Variants in FREM1 observed in about 807,000 individuals in gnomAD.
FREM1 encodes the protein FRAS1 related extracellular matrix 1.
Under a neutral mutation model 210.1 loss-of-function variants are expected in FREM1, and 220 were observed. That is an observed-to-expected ratio of 1.05 (90% CI 0.94 to 1.17). FREM1 has a LOEUF of 1.17. Ranked by LOEUF, FREM1 falls within the 50% of genes most tolerant of loss-of-function variation. The pLI is 0.00. For synonymous variants in FREM1, 1,189 were observed against 980.2 expected (o/e 1.21, Z -3.98); for missense variants, 3,454 against 2,675.5 (o/e 1.29, Z -6.42).
intron 2 of FREM1, among the ~76,000 whole-genome samples, chr9:14,866,791 T>A (rs1564121684): frequency 6.6e-6 from 1 of 152,124 alleles, no homozygotes; most frequent in Non-Finnish European, 1.5e-5. Flanking sequence ...TCCTGCTTTA[T>A]CAAACACCCC....
At chr9:14,747,632 C>T (rs895358724) in intron 32 of FREM1, 49 bp downstream of exon 32, 1 of 1,130,854 alleles carries the variant, frequency 8.8e-7, no homozygotes, top group Non-Finnish European at 1.3e-6. Flanking sequence ...TCATTAAATA[C>T]TTGCATCCAT....
At chr9:14,830,637 G>GC (rs748201255) in intron 10 of FREM1, among the ~76,000 whole-genome samples, 108 of 151,706 alleles carry the variant, frequency 7.1e-4, no homozygotes, top group African/African-American at 1.3e-3. Flanking sequence ...CGGCTTTGGA[G>GC]CTCCCCCCGC....
intron 16 of FREM1, among the ~76,000 whole-genome samples, chr9:14,810,461 A>T (rs1398075352): frequency 2.0e-5 from 3 of 152,118 alleles, no homozygotes; most frequent in Non-Finnish European, 4.4e-5. Context: ...TTAAAAAAAA[A>T]TTTGAGGGAA....
At chr9:14,737,621 A>G (rs970792327) in intron 36 of FREM1, 26 bp from the exon 37 acceptor site, 3 of 1,454,438 alleles carry the variant, frequency 2.1e-6, no homozygotes, top group African/African-American at 1.4e-5. Context: ...AGAATGTACC[A>G]ATTACTTTTA....
chr9:14,823,937 A>G, intron 12 of FREM1, 88 bp downstream of exon 12: 1 of 654,102 alleles, frequency 1.5e-6, no homozygotes, highest in Non-Finnish European at 2.5e-6. Context: ...GTCAAAGACC[A>G]ACATTCTCAG....
At chr9:14,759,946 T>A in intron 27 of FREM1, 45 bp from the exon 28 acceptor site, 1 of 1,522,446 alleles carries the variant, frequency 6.6e-7, no homozygotes, top group Non-Finnish European at 8.9e-7. Flanking sequence ...GCATAGTATA[T>A]GCCTATAGGG....
chr9:14,902,337 G>A (rs1400800428), intron 1 of FREM1, among the ~76,000 whole-genome samples: 2 of 152,078 alleles, frequency 1.3e-5, no homozygotes, highest in Admixed American at 6.6e-5. Flanking sequence ...ATCTCACATG[G>A]TTGATATCAT....
rs776497637 is a variant in FREM1 at position 14,851,292 on chromosome 9, G to A, written c.1144C>T (p.His382Tyr). Residue 382 changes from histidine (H) to tyrosine (Y), a missense_variant, in exon 6 of 37, where the codon CAT (histidine) becomes TAT (tyrosine). Physicochemically the swap from His to Tyr is moderately conservative, Grantham distance 83 (BLOSUM62 2). Transcript: ENST00000380880. ...TTGTCTCTCCTTCTTACCTCATCAT[G>A]TCTCCTCTCAGAATGGCTGCTGTTT... Reference protein sequence around the residue: ...PPNSSHSERRHDEVELEVYDF... With the variant: ...PPNSSHSERRYDEVELEVYDF... 5.0e-6 allele frequency: 8 copies of A among 1,586,272 alleles called. No homozygotes were observed. The East Asian group carries it at 1.8e-4, about 36-fold the overall frequency.
chr9:14,841,300 G>A (rs1825661877), intron 10 of FREM1, 147 bp downstream of exon 10: 1 of 595,576 alleles, frequency 1.7e-6, no homozygotes, highest in Non-Finnish European at 2.7e-6. Flanking sequence ...TAGTCCTATT[G>A]CAAAGAAATC....
intron 10 of FREM1, among the ~76,000 whole-genome samples, chr9:14,841,173 C>T (rs888331133): frequency 2.6e-5 from 4 of 152,086 alleles, no homozygotes; most frequent in Admixed American, 6.6e-5. Flanking sequence ...TCTTGAGTGT[C>T]GGGAGACAAG....
intron 23 of FREM1, among the ~76,000 whole-genome samples, chr9:14,785,090 C>G (rs1398067347): frequency 6.6e-6 from 1 of 152,208 alleles, no homozygotes; most frequent in Admixed American, 6.5e-5. Context: ...CAGCTATGTA[C>G]TTGAAAGAAA....
intron 3 of FREM1, among the ~76,000 whole-genome samples, chr9:14,861,674 T>C (rs1459095480): frequency 6.6e-6 from 1 of 151,832 alleles, no homozygotes; most frequent in Non-Finnish European, 1.5e-5. Flanking sequence ...TCCCAGCTAA[T>C]TTTTGTATTT....
At chr9:14,743,201 A>G (rs1841868823) in intron 35 of FREM1, among the ~76,000 whole-genome samples, 1 of 152,132 alleles carries the variant, frequency 6.6e-6, no homozygotes, top group Non-Finnish European at 1.5e-5. Flanking sequence ...GTGCATGAGA[A>G]AGTATCTATG....
chr9:14,776,985 G>A (rs1848702267), intron 24 of FREM1, among the ~76,000 whole-genome samples: 1 of 152,202 alleles, frequency 6.6e-6, no homozygotes. Context: ...CAAAGTTGGT[G>A]GGAGATCATA....
At chr9:14,874,859 C>T (rs142250479) in intron 1 of FREM1, among the ~76,000 whole-genome samples, 2 of 152,106 alleles carry the variant, frequency 1.3e-5, no homozygotes, top group Non-Finnish European at 1.5e-5. Flanking sequence ...TTAGGGCAGG[C>T]CTGGTGGTGA....
At chr9:14,841,387 C>T in intron 10 of FREM1, 60 bp downstream of exon 10, 1 of 1,370,678 alleles carries the variant, frequency 7.3e-7, no homozygotes, top group Non-Finnish European at 9.8e-7. Flanking sequence ...CTAACCACAT[C>T]TCCTAGAATT....
At chr9:14,854,653 T>C (rs572977668) in intron 5 of FREM1, among the ~76,000 whole-genome samples, 25 of 152,194 alleles carry the variant, frequency 1.6e-4, no homozygotes, top group African/African-American at 5.8e-4. Flanking sequence ...TAGTGAAAGA[T>C]ATAATTATGG....
intron 2 of FREM1, among the ~76,000 whole-genome samples, chr9:14,867,079 C>CTT (rs1353025348): frequency 1.3e-5 from 2 of 152,074 alleles, no homozygotes; most frequent in African/African-American, 4.8e-5. Flanking sequence ...AGGCTGGTCT[C>CTT]TAACTCCTGG....
chr9:14,775,707 CAAA>C (rs35187926), intron 25 of FREM1, 79 bp downstream of exon 25: 6,119 of 351,318 alleles, frequency 0.017, no homozygotes, highest in East Asian at 0.022. Flanking sequence ...GACTCCCTCT[CAAA>C]AAAAAAAAAA....
Sources: allele counts gnomAD v4.1 joint callset (sites outside exome capture counted in the v4.1 genomes callset), GRCh38; gene constraint gnomAD v4.1.1; transcripts MANE v1.5; gene names NCBI Gene and HGNC (gene_info 2026-07-23, HGNC 2026-07-21).